The following NFATC2 variants were observed in gnomAD, a reference collection of about 807,000 sequenced individuals.
The protein encoded by NFATC2 is nuclear factor of activated T cells 2.
NFATC2 carries 22 observed loss-of-function variants against 87.3 expected under a neutral mutation model. That is an observed-to-expected ratio of 0.25 (90% CI 0.18 to 0.36). NFATC2 has a LOEUF of 0.36. Among genes scored for constraint, NFATC2 ranks in the 10% least tolerant of loss-of-function variants. The probability of loss-of-function intolerance (pLI) is 1.00; values close to 1 mark genes in which losing one functional copy is unlikely to be tolerated. For missense variants in NFATC2, 1,149 were observed against 1,259.1 expected, an observed-to-expected ratio of 0.91 and a Z score of 1.32; for synonymous variants, 565 against 542.2, an observed-to-expected ratio of 1.04 and a Z score of -0.58.
intron 6 of NFATC2, among the ~76,000 whole-genome samples, chr20:51,450,402 C>T (rs1338278239): frequency 2.0e-5 from 3 of 152,108 alleles, no homozygotes; most frequent in African/African-American, 7.2e-5. Context: ...GCCTGTAATC[C>T]CAAATAGGAG....
chr20:51,555,565 G>A (rs2076971393), intron 1 of NFATC2, among the ~76,000 whole-genome samples: 1 of 151,602 alleles, frequency 6.6e-6, no homozygotes, highest in Non-Finnish European at 1.5e-5. Context: ...TTGCACTCCA[G>A]CCTGGGCGAC....
chr20:51,425,685 A>C (rs1207758334), intron 9 of NFATC2, among the ~76,000 whole-genome samples: 1 of 152,244 alleles, frequency 6.6e-6, no homozygotes, highest in Non-Finnish European at 1.5e-5. Context: ...TGAACTGCTG[A>C]ACAAAGCAGG....
chr20:51,525,118 G>A (rs541525998), intron 1 of NFATC2, among the ~76,000 whole-genome samples: 7 of 152,284 alleles, frequency 4.6e-5, no homozygotes, highest in Non-Finnish European at 4.4e-5. Context: ...TACTCAGGAG[G>A]CTGAGGCACA....
chr20:51,492,008 C>T (rs915921597), intron 3 of NFATC2, among the ~76,000 whole-genome samples: 4 of 151,994 alleles, frequency 2.6e-5, no homozygotes, highest in Admixed American at 6.6e-5. Context: ...CCCGCGCCCC[C>T]GGAGTGCCAT....
intron 1 of NFATC2, among the ~76,000 whole-genome samples, chr20:51,540,658 G>GTTTTTTTTGTTTT (rs2076797505): frequency 1.8e-5 from 2 of 110,054 alleles, no homozygotes; most frequent in African/African-American, 7.4e-5. Context: ...TTTTTTTTTT[G>GTTTTTTTTGTTTT]TTTTTTTTTT....
At chr20:51,434,873 C>T (rs1053578762) in intron 8 of NFATC2, among the ~76,000 whole-genome samples, 1 of 152,160 alleles carries the variant, frequency 6.6e-6, no homozygotes, top group African/African-American at 2.4e-5. Context: ...AGGAGTCATC[C>T]ACTTACCACC....
intron 9 of NFATC2, among the ~76,000 whole-genome samples, chr20:51,431,510 T>C (rs924932553): frequency 2.0e-5 from 3 of 152,112 alleles, no homozygotes; most frequent in African/African-American, 7.2e-5. Flanking sequence ...TTCCTTCCCA[T>C]CAATGCGCAT....
At chr20:51,559,225 C>T (rs1176101994) in intron 1 of NFATC2, among the ~76,000 whole-genome samples, 1 of 152,224 alleles carries the variant, frequency 6.6e-6, no homozygotes, top group Non-Finnish European at 1.5e-5. Context: ...AAGCCTTATG[C>T]TTTCATTTCC....
intron 1 of NFATC2, among the ~76,000 whole-genome samples, chr20:51,537,895 G>A (rs983960211): frequency 3.3e-5 from 5 of 152,122 alleles, no homozygotes; most frequent in Non-Finnish European, 7.3e-5. Flanking sequence ...AACCTAGACA[G>A]ATAAAATGGA....
intron 5 of NFATC2, among the ~76,000 whole-genome samples, chr20:51,462,957 C>A (rs543346717): frequency 9.8e-5 from 15 of 152,338 alleles, no homozygotes; most frequent in South Asian, 4.1e-4. Flanking sequence ...GGAAAGACAC[C>A]GGCCAGCCCA....
rs138993945 is a variant in NFATC2, at chr20:51,500,308, T to A, written c.1332+16476A>T. ...TTATCCCCAAACTCTTTAAAAAAAA[T>A]TTTTAATAGAAAAAATGACAGCTTA... is the stretch of plus-strand genomic sequence containing the variant. On this transcript the variant is annotated intron_variant, in intron 3 of 10. Transcript: ENST00000371564. Among the ~76,000 whole-genome samples, 122 of 152,172 alleles carry A rather than the reference T, an allele frequency of 8.0e-4. No individual in the cohort carries two copies. In the East Asian group the frequency reaches 0.014, roughly 18 times the overall value.
chr20:51,422,220 G>A (rs1981032840), intron 9 of NFATC2, among the ~76,000 whole-genome samples: 1 of 152,182 alleles, frequency 6.6e-6, no homozygotes, highest in African/African-American at 2.4e-5. Context: ...GGTGCTCAAG[G>A]CTCATCATAA....
intron 1 of NFATC2, among the ~76,000 whole-genome samples, chr20:51,560,741 A>T (rs2077013963): frequency 6.6e-6 from 1 of 152,062 alleles, no homozygotes; most frequent in Non-Finnish European, 1.5e-5. Context: ...ACACACACAC[A>T]CTGGTGTGCA....
At chr20:51,461,083 T>A (rs1161057688) in intron 5 of NFATC2, among the ~76,000 whole-genome samples, 1 of 152,160 alleles carries the variant, frequency 6.6e-6, no homozygotes, top group Non-Finnish European at 1.5e-5. Context: ...GGCAAAGCAA[T>A]TAGCTTTTGA....
At chr20:51,528,879 A>G (rs190292373) in intron 1 of NFATC2, among the ~76,000 whole-genome samples, 2 of 152,304 alleles carry the variant, frequency 1.3e-5, no homozygotes, top group Admixed American at 1.3e-4. Flanking sequence ...ATAACTGAAC[A>G]GCATTAAACT....
At chr20:51,397,624 G>A (rs1269681967) in intron 10 of NFATC2, among the ~76,000 whole-genome samples, 1 of 152,130 alleles carries the variant, frequency 6.6e-6, no homozygotes, top group Non-Finnish European at 1.5e-5. Flanking sequence ...GGACTCCCCA[G>A]GAGCCGATTC....
chr20:51,387,200 C>CA lies in NFATC2; in HGVS notation c.*4295dup, dbSNP rs11483796. The CA allele has an allele frequency of 0.39, 59,296 of 151,962 alleles. 11,539 individuals carry two copies. The highest frequency in any genetic ancestry group is 0.44 in the African/African-American group (18,383 of 41,412). 9.4% of individuals were successfully genotyped at this position (151,962 alleles called of 1,614,324 possible). ...TCTCTCCTCTGAGGGCTGTAGAGGC[C>CA]AGAGGGGTGAGTGAGGTTCTTTGAC... On this transcript the variant is annotated 3_prime_UTR_variant, in exon 11 of 11. Transcript: ENST00000371564.
intron 2 of NFATC2, among the ~76,000 whole-genome samples, chr20:51,519,871 G>T (rs981537007): frequency 6.7e-6 from 1 of 149,188 alleles, no homozygotes; most frequent in Non-Finnish European, 1.5e-5. Context: ...AGCTGAGATC[G>T]CACCACTGTA....
Position 51,387,284 on chromosome 20 carries a change from A to G in NFATC2, c.*4212T>C, listed in dbSNP as rs560161476. On this transcript the variant is annotated 3_prime_UTR_variant, in exon 11 of 11. Transcript: ENST00000371564. ...CCATAGCCTCGGTCTGCTCAGGCCA[A>G]TCAGAATGCTGTGAGCACCTGCTCT... The G allele has an allele frequency of 1.3e-5, 2 of 152,348 alleles. No individual in the cohort carries two copies. Among genetic ancestry groups the G allele is most frequent in the East Asian group, 3.9e-4 (2 of 5,182 alleles). The allele number at this position is 152,348 out of a possible 1,614,324, so 9.4% of individuals were successfully genotyped here. A position where few individuals can be genotyped will look rare whatever the true frequency, so the allele number is the denominator to read the frequency against.
Sources: gnomAD v4.1 joint callset for allele counts (sites outside exome capture counted in the v4.1 genomes callset) on GRCh38, gnomAD v4.1.1 for gene constraint, MANE v1.5 for transcripts, NCBI Gene and HGNC (gene_info 2026-07-23, HGNC 2026-07-21) for gene names.